The following TNKS variants were observed in gnomAD, a reference collection of about 807,000 sequenced individuals.
The protein encoded by TNKS is poly [ADP-ribose] polymerase tankyrase-1.
In TNKS, 72 loss-of-function variants were observed where a neutral mutation model predicts 135.8. The ratio of observed to expected loss-of-function variants is 0.53; its 90% CI spans 0.44 to 0.64. The LOEUF is 0.64. TNKS is among the 30% of genes least tolerant of loss of function. The pLI is 0.00. For missense variants in TNKS, 1,769 were observed against 1,674.0 expected (o/e 1.06, Z -0.99); for synonymous variants, 849 against 649.3 (o/e 1.31, Z -4.68).
chr8:9,586,419 T>C (rs1563096794), intron 2 of TNKS, among the ~76,000 whole-genome samples: 1 of 152,178 alleles, frequency 6.6e-6, no homozygotes, highest in East Asian at 1.9e-4. Flanking sequence ...GGATTTCTGC[T>C]GTTTTTTTTC....
intron 5 of TNKS, among the ~76,000 whole-genome samples, chr8:9,703,505 T>C (rs1803914391): frequency 6.6e-6 from 1 of 152,222 alleles, no homozygotes; most frequent in South Asian, 2.1e-4. Context: ...TCCAGGAATG[T>C]AGTCAGGTTT....
chr8:9,752,051 C>G (rs1806572901), intron 19 of TNKS, among the ~76,000 whole-genome samples: 1 of 152,144 alleles, frequency 6.6e-6, no homozygotes, highest in Admixed American at 6.5e-5. Flanking sequence ...TCTGTATATT[C>G]TAGAGCATCT....
intron 17 of TNKS, among the ~76,000 whole-genome samples, chr8:9,736,156 A>G (rs2128820055): frequency 6.6e-6 from 1 of 151,226 alleles, no homozygotes; most frequent in East Asian, 1.9e-4. Context: ...TTTAAAAACT[A>G]GAAAAGCTGT....
Position 9,751,709 on chromosome 8 carries a change from C to G in TNKS, c.2933C>G (p.Ser978Ter). The G allele has an allele frequency of 6.2e-7, 1 of 1,614,214 alleles. No individual in the cohort carries two copies. The highest frequency in any genetic ancestry group is 8.5e-7 in the Non-Finnish European group (1 of 1,180,036). ...ACTGTAGTGAGTGCCTCTCTGATCT[C>G]ACCAGCATCCACCCCCTCCTGCCTC... ...QATVVSASLI[S>*]PASTPSCLSA... The change falls in exon 19 of 27, where the codon TCA becomes TGA. Residue 978 changes from serine to a stop codon, truncating the protein, a stop_gained. Transcript: ENST00000310430. LOFTEE classifies it high-confidence loss of function.
chr8:9,710,542 A>C, intron 11 of TNKS: 1 of 470,754 alleles, frequency 2.1e-6, no homozygotes, highest in Non-Finnish European at 3.7e-6. Flanking sequence ...CACTTGAATA[A>C]CAGTTTATCA....
intron 26 of TNKS, among the ~76,000 whole-genome samples, chr8:9,773,922 T>C (rs1808085789): frequency 6.6e-6 from 1 of 152,218 alleles, no homozygotes; most frequent in African/African-American, 2.4e-5. Context: ...TATTTCATTC[T>C]CCTTAGTCAT....
chr8:9,772,831 C>G (rs62489388), intron 26 of TNKS, among the ~76,000 whole-genome samples: 7,627 of 118,988 alleles, frequency 0.064, 407 homozygotes, highest in East Asian at 0.13. Context: ...GTGTGTGTGT[C>G]TGTGTGTGTG....
chr8:9,710,138 G>T lies in TNKS; in HGVS notation c.1671-4G>T. The T allele has an allele frequency of 1.2e-6, 2 of 1,613,954 alleles. No individual in the cohort carries two copies. Among genetic ancestry groups the T allele is most frequent in the Non-Finnish European group, 1.7e-6 (2 of 1,179,884 alleles). On this transcript the variant is annotated splice_polypyrimidine_tract_variant and splice_region_variant and intron_variant, in intron 10 of 26. Coordinates refer to ENST00000310430, the MANE Select transcript of TNKS (RefSeq NM_003747.3). The stretch of plus-strand genomic sequence containing the variant: ...ACCTTTTCTTTCTTTCCTCTTTTCT[G>T]TAGTTTCATGACTCCCCTGCATGTT...
At chr8:9,616,414 C>T (rs973332196) in intron 3 of TNKS, among the ~76,000 whole-genome samples, 3 of 152,120 alleles carry the variant, frequency 2.0e-5, no homozygotes, top group Admixed American at 6.5e-5. Flanking sequence ...CTGCCTTTGC[C>T]CTCTTTTACT....
At chr8:9,661,602 T>G (rs1211225618) in intron 3 of TNKS, among the ~76,000 whole-genome samples, 3 of 152,150 alleles carry the variant, frequency 2.0e-5, no homozygotes, top group Admixed American at 6.5e-5. Flanking sequence ...ATTAAAGACT[T>G]AAATGTTAGA....
At chr8:9,773,455 C>G (rs1808054817) in intron 26 of TNKS, among the ~76,000 whole-genome samples, 1 of 151,928 alleles carries the variant, frequency 6.6e-6, no homozygotes, top group African/African-American at 2.4e-5. Flanking sequence ...CTGATTCACC[C>G]ACAACATAAG....
chr8:9,744,365 T>C (rs933561913), intron 17 of TNKS, among the ~76,000 whole-genome samples: 2 of 152,240 alleles, frequency 1.3e-5, no homozygotes, highest in African/African-American at 2.4e-5. Flanking sequence ...TGTTTTTATT[T>C]TCCAGTGCTT....
chr8:9,591,101 C>G (rs1468562175), intron 2 of TNKS, among the ~76,000 whole-genome samples: 1 of 152,236 alleles, frequency 6.6e-6, no homozygotes, highest in Admixed American at 6.5e-5. Flanking sequence ...GGTCCAACGT[C>G]ATGCCTTTGC....
At chr8:9,734,759 A>G (rs1303406632) in intron 15 of TNKS, 106 bp from the exon 16 acceptor site, 2 of 952,014 alleles carry the variant, frequency 2.1e-6, no homozygotes, top group East Asian at 2.6e-5. Flanking sequence ...TATAGAGTAG[A>G]TATCTTCCCC....
At chr8:9,771,364 GAGGA>G (rs1440631036) in intron 26 of TNKS, among the ~76,000 whole-genome samples, 13 of 125,568 alleles carry the variant, frequency 1.0e-4, no homozygotes, top group Admixed American at 3.3e-4. Flanking sequence ...GGGAGAGAGA[GAGGA>G]AGGGAGGGAG....
intron 3 of TNKS, among the ~76,000 whole-genome samples, chr8:9,631,712 G>A (rs1317084937): frequency 2.0e-5 from 3 of 148,034 alleles, no homozygotes; most frequent in South Asian, 4.3e-4. Context: ...TTCTTCAGTC[G>A]TAAGTCTTTT....
chr8:9,562,316 T>A (rs1199680852), intron 1 of TNKS, among the ~76,000 whole-genome samples: 1 of 152,142 alleles, frequency 6.6e-6, no homozygotes, highest in Non-Finnish European at 1.5e-5. Context: ...TGAGAGTCAT[T>A]TGAATAGAAA....
At position 9,556,594 on chromosome 8, in the gene TNKS, C is replaced by G; in HGVS notation, c.655C>G (p.Pro219Ala). ...GGACATGGCCGGCCGGAAGTCTTCT[C>G]CCCTGCACTTCGCTGCAGGTCAGAG... ...AKDMAGRKSS[P>A]LHFAAGFGRK... is the part of the protein sequence containing the mutation. The change falls in exon 1 of 27, where the codon CCC becomes GCC. Residue 219 changes from proline (P) to alanine (A), a missense_variant. Physicochemically the swap from Pro to Ala is conservative, Grantham distance 27 (BLOSUM62 -1). Coordinates refer to ENST00000310430, the MANE Select transcript of TNKS (RefSeq NM_003747.3). 1.2e-6 allele frequency: 2 copies of G among 1,613,674 alleles called. No individual in the cohort carries two copies. The highest frequency in any genetic ancestry group is 1.7e-6 in the Non-Finnish European group (2 of 1,180,040).
rs144586907 is a variant in TNKS, at chr8:9,752,596, A to T, written c.3123A>T (p.Glu1041Asp). The T allele has an allele frequency of 2.5e-6, 4 of 1,613,050 alleles. No homozygotes were observed. Among genetic ancestry groups the T allele is most frequent in the Non-Finnish European group, 3.4e-6 (4 of 1,179,466 alleles). Residue 1041 changes from glutamate (E) to aspartate (D), a missense_variant, in exon 20 of 27, where the codon GAA becomes GAT. By Grantham distance (45) the Glu-to-Asp change is conservative. Around this residue, in one of 5 missense-constraint regions of TNKS, gnomAD observed 722 missense variants for 688.9 expected, o/e 1.05. Transcript: ENST00000310430. ...AATTTCTAAAAAGCCTTGGCCTTGA[A>T]CACCTTCGGGATATCTTTGAAACAG... ...ISQFLKSLGLEHLRDIFETEQ... is the reference protein window; with the variant it reads ...ISQFLKSLGLDHLRDIFETEQ...
Sources: allele counts gnomAD v4.1 joint callset (sites outside exome capture counted in the v4.1 genomes callset), GRCh38; gene constraint gnomAD v4.1.1; regional missense constraint gnomAD v4.1.1; transcripts MANE v1.5; gene names NCBI Gene and HGNC (gene_info 2026-07-23, HGNC 2026-07-21).